The following RGL1 variants were observed in gnomAD, a reference collection of about 807,000 sequenced individuals.
The protein encoded by RGL1 is ral guanine nucleotide dissociation stimulator like 1, also known as ral guanine nucleotide dissociation stimulator-like 1.
A neutral mutation model predicts 95.2 loss-of-function variants in RGL1; 24 were observed. The ratio of observed to expected loss-of-function variants is 0.25; its 90% CI spans 0.18 to 0.35. The LOEUF is 0.35. Ranked by LOEUF, RGL1 falls within the 10% of genes least tolerant of loss-of-function variation. RGL1 has a pLI of 1.00. For missense variants in RGL1, 715 were observed against 936.3 expected (o/e 0.76, Z 3.08); for synonymous variants, 329 against 344.9 (o/e 0.95, Z 0.51).
At chr1:183,812,905 G>A (rs1233795789) in intron 2 of RGL1, among the ~76,000 whole-genome samples, 7 of 152,202 alleles carry the variant, frequency 4.6e-5, no homozygotes, top group Admixed American at 4.6e-4. Context: ...GGGCTGGAGA[G>A]AAAGGCATGA....
intron 2 of RGL1, among the ~76,000 whole-genome samples, chr1:183,753,278 C>T (rs1658134122): frequency 6.6e-6 from 1 of 152,062 alleles, no homozygotes; most frequent in Admixed American, 6.6e-5. Context: ...TTAAATTTCA[C>T]TTATTGTATT....
chr1:183,671,105 A>G (rs1309946023), intron 1 of RGL1, among the ~76,000 whole-genome samples: 2 of 152,202 alleles, frequency 1.3e-5, no homozygotes, highest in Non-Finnish European at 1.5e-5. Context: ...AGAGCCCCTT[A>G]TAAAACCATC....
At chr1:183,752,707 T>TCTCTCTCTCTCC (rs1337166963) in intron 2 of RGL1, among the ~76,000 whole-genome samples, 4 of 143,424 alleles carry the variant, frequency 2.8e-5, no homozygotes, top group African/African-American at 5.5e-5. Flanking sequence ...TCTCTCTCTT[T>TCTCTCTCTCTCC]CCCCTTTCCT....
At chr1:183,718,497 G>C (rs967708328) in intron 1 of RGL1, among the ~76,000 whole-genome samples, 4 of 152,068 alleles carry the variant, frequency 2.6e-5, no homozygotes, top group African/African-American at 9.7e-5. Flanking sequence ...ATGTTTTTGG[G>C]GATACATGAG....
chr1:183,699,725 G>T (rs1654469357), intron 1 of RGL1, among the ~76,000 whole-genome samples: 1 of 151,964 alleles, frequency 6.6e-6, no homozygotes, highest in African/African-American at 2.4e-5. Flanking sequence ...TTCAATGTTT[G>T]CTTTGTTCTA....
chr1:183,892,293 T>A (rs1572563825), intron 9 of RGL1, 132 bp downstream of exon 9: 18 of 612,810 alleles, frequency 2.9e-5, no homozygotes, highest in East Asian at 5.6e-5. Context: ...AGGCAAAAAA[T>A]TTTTTTAAAT....
rs1667936077 is a variant in RGL1, at chr1:183,900,203, C to G, written c.1284C>G (p.Thr428=). ...TGGGCACCTTCCTGACTGACCTGAC[C>G]ATGCTTGACACTGCCCTTCAGGACT... ...PYLGTFLTDL[T]MLDTALQDYI... Residue 428 remains threonine (T), a synonymous_variant, in exon 11 of 18, where the codon ACC becomes ACG. Coordinates refer to ENST00000360851, the MANE Select transcript of RGL1 (RefSeq NM_001297671.3). The G allele has an allele frequency of 6.2e-7, 1 of 1,613,908 alleles. No individual in the cohort carries two copies.
At chr1:183,653,634 G>A (rs939479681) in intron 1 of RGL1, among the ~76,000 whole-genome samples, 1 of 152,214 alleles carries the variant, frequency 6.6e-6, no homozygotes, top group Admixed American at 6.5e-5. Flanking sequence ...CCCTCTGTGA[G>A]AGGGAGCAGA....
At position 183,764,649 on chromosome 1, in the gene RGL1, G is replaced by A. The variant is rs111996024; in HGVS notation, c.132+22360G>A. 6.6e-3 allele frequency among the ~76,000 whole-genome samples: 1,000 copies of A among 152,248 alleles called. 14 individuals are homozygous for A. Among genetic ancestry groups the A allele is most frequent in the African/African-American group, 0.023 (970 of 41,544 alleles). The stretch of plus-strand genomic sequence containing the variant: ...TCTATTTATCAGTTCCTCAATCATG[G>A]AGAATATGGTTGTCGATCTTTCGGG... On this transcript the variant is annotated intron_variant, in intron 2 of 18. Transcript: ENST00000304685.
At chr1:183,903,710 A>G (rs971492472) in intron 12 of RGL1, among the ~76,000 whole-genome samples, 28 of 152,330 alleles carry the variant, frequency 1.8e-4, no homozygotes, top group African/African-American at 6.7e-4. Context: ...TTAGAGAAGT[A>G]TATAGGTGGG....
At chr1:183,757,338 A>C (rs1658403435) in intron 2 of RGL1, among the ~76,000 whole-genome samples, 1 of 152,194 alleles carries the variant, frequency 6.6e-6, no homozygotes, top group African/African-American at 2.4e-5. Context: ...GGAAGAGAGA[A>C]GTTTTTAAAA....
At chr1:183,833,530 C>A (rs550673665) in intron 2 of RGL1, among the ~76,000 whole-genome samples, 1 of 152,288 alleles carries the variant, frequency 6.6e-6, no homozygotes, top group African/African-American at 2.4e-5. Flanking sequence ...CTCTTGAAAA[C>A]CCTTTAGTGT....
At chr1:183,647,575 T>A in intron 1 of RGL1, 2 of 1,474,204 alleles carry the variant, frequency 1.4e-6, no homozygotes, top group Non-Finnish European at 1.8e-6. Flanking sequence ...TGCATCAGTT[T>A]ATCTCCATCT....
At chr1:183,879,277 A>G (rs928029525) in intron 4 of RGL1, among the ~76,000 whole-genome samples, 3 of 152,238 alleles carry the variant, frequency 2.0e-5, no homozygotes, top group African/African-American at 7.2e-5. Context: ...TCCAAAAGTT[A>G]AGCATTAAAT....
At chr1:183,852,455 G>A (rs1421993202) in intron 3 of RGL1, among the ~76,000 whole-genome samples, 1 of 152,074 alleles carries the variant, frequency 6.6e-6, no homozygotes, top group African/African-American at 2.4e-5. Flanking sequence ...CTTGAATTCT[G>A]GGCCAGCAGT....
rs551291303 is a variant in RGL1, at chr1:183,889,699, T to C, written c.1055+1122T>C. Among the ~76,000 whole-genome samples the C allele has an allele frequency of 9.7e-4, 147 of 152,284 alleles. 2 individuals are homozygous for C. Among genetic ancestry groups the C allele is most frequent in the Non-Finnish European group, 1.5e-3 (103 of 68,020 alleles). ...TCTACTTGGTGTAAGCCAAATTATT[T>C]ATTAGGTGATTCTTTGATGGGTAAA... On this transcript the variant is annotated intron_variant, in intron 8 of 17. Transcript: ENST00000360851.
chr1:183,648,129 C>T (rs1196091183), intron 1 of RGL1: 1 of 1,614,238 alleles, frequency 6.2e-7, no homozygotes, highest in East Asian at 2.2e-5. Flanking sequence ...AGCCAGTGCT[C>T]TCCCAGTTAA....
At chr1:183,923,261 C>G (rs1669415932) in intron 17 of RGL1, among the ~76,000 whole-genome samples, 1 of 152,180 alleles carries the variant, frequency 6.6e-6, no homozygotes, top group African/African-American at 2.4e-5. Context: ...CAGCATGTCA[C>G]CCAGGGCTCT....
intron 1 of RGL1, among the ~76,000 whole-genome samples, chr1:183,684,485 C>T (rs948881144): frequency 6.6e-6 from 1 of 152,174 alleles, no homozygotes; most frequent in Non-Finnish European, 1.5e-5. Flanking sequence ...GCTGTGCTGG[C>T]AGCAAGAATT....
Sources: gnomAD v4.1 joint callset for allele counts (sites outside exome capture counted in the v4.1 genomes callset) on GRCh38, gnomAD v4.1.1 for gene constraint, MANE v1.5 for transcripts, NCBI Gene and HGNC (gene_info 2026-07-23, HGNC 2026-07-21) for gene names.